HNF4G: variants seen among roughly 807,000 people sequenced by gnomAD.
HNF4G encodes the protein hepatocyte nuclear factor 4 gamma, also known as hepatocyte nuclear factor 4-gamma.
Under a neutral mutation model 50.9 loss-of-function variants are expected in HNF4G, and 21 were observed. The ratio of observed to expected loss-of-function variants is 0.41; its 90% CI spans 0.29 to 0.59. The LOEUF is 0.59. HNF4G is among the 20% of genes least tolerant of loss of function. The probability of loss-of-function intolerance (pLI) is 0.26; values close to 1 mark genes in which losing one functional copy is unlikely to be tolerated. For missense variants in HNF4G, 527 were observed against 559.4 expected (o/e 0.94, Z 0.58); for synonymous variants, 198 against 185.6 (o/e 1.07, Z -0.54).
intron 1 of HNF4G, among the ~76,000 whole-genome samples, chr8:75,472,576 A>C (rs1812140161): frequency 6.6e-6 from 1 of 152,252 alleles, no homozygotes; most frequent in South Asian, 2.1e-4. Flanking sequence ...GTAAAGATAC[A>C]GAGTGCAAAT....
intron 1 of HNF4G, among the ~76,000 whole-genome samples, chr8:75,408,337 C>T (rs1051835133): frequency 3.9e-5 from 6 of 151,988 alleles, no homozygotes; most frequent in Non-Finnish European, 8.8e-5. Context: ...ATGTGATTCC[C>T]AGGTCTCTGG....
chr8:75,515,967 T>C (rs537401237), intron 2 of HNF4G, among the ~76,000 whole-genome samples: 2 of 152,296 alleles, frequency 1.3e-5, no homozygotes, highest in African/African-American at 4.8e-5. Context: ...GTTTCTCATC[T>C]TGGTCAGGCT....
intron 4 of HNF4G, among the ~76,000 whole-genome samples, 196 bp downstream of exon 4, chr8:75,551,690 G>A (rs979915450): frequency 6.6e-6 from 1 of 152,132 alleles, no homozygotes; most frequent in African/African-American, 2.4e-5. Context: ...AACAAGACTA[G>A]TTTTAAATGG....
intron 1 of HNF4G, among the ~76,000 whole-genome samples, chr8:75,435,632 C>T (rs1234429006): frequency 6.6e-6 from 1 of 152,144 alleles, no homozygotes; most frequent in East Asian, 1.9e-4. Flanking sequence ...CTCACTCTGT[C>T]ACCCAGGCTG....
chr8:75,550,136 GA>G (rs1057015895), intron 3 of HNF4G, among the ~76,000 whole-genome samples: 1 of 151,862 alleles, frequency 6.6e-6, no homozygotes, highest in South Asian at 2.1e-4. Flanking sequence ...CATACTTGCA[GA>G]AAAAAAATGA....
chr8:75,420,797 A>T (rs1303825357), intron 1 of HNF4G, among the ~76,000 whole-genome samples: 1 of 152,238 alleles, frequency 6.6e-6, no homozygotes. Flanking sequence ...CCAGGCAGCA[A>T]GAGGAGAAAG....
chr8:75,519,440 T>G (rs1805978932), intron 2 of HNF4G, among the ~76,000 whole-genome samples: 1 of 152,142 alleles, frequency 6.6e-6, no homozygotes, highest in South Asian at 2.1e-4. Flanking sequence ...CCAGTACCAA[T>G]TTACTGTATT....
intron 1 of HNF4G, among the ~76,000 whole-genome samples, chr8:75,435,520 G>A (rs1165305159): frequency 6.6e-6 from 1 of 152,094 alleles, no homozygotes; most frequent in African/African-American, 2.4e-5. Context: ...ATTCAACATT[G>A]TACTACAGAC....
Position 75,543,869 on chromosome 8 carries a change from T to G in HNF4G, c.177T>G (p.Cys59Trp). The G allele has an allele frequency of 6.2e-7, 1 of 1,613,788 alleles. No homozygotes were observed. The highest frequency in any genetic ancestry group is 8.5e-7 in the Non-Finnish European group (1 of 1,179,764). Residue 59 changes from cysteine to tryptophan, a missense_variant, in exon 2 of 10, where the codon TGT (cysteine) becomes TGG (tryptophan). Cys to Trp is a radical substitution (Grantham distance 215). This residue lies in a region of HNF4G where 84 missense variants were observed against 87.1 expected (regional missense o/e 0.96). Coordinates refer to ENST00000396423, the MANE Select transcript of HNF4G (RefSeq NM_004133.5). ...NTTDNGVNCL[C>W]AICGDRATGK... is the part of the protein sequence containing the mutation. ...CAGACAACGGTGTCAACTGTCTGTG[T>G]GCTATCTGTGGGGACAGAGCAACAG...
intron 1 of HNF4G, among the ~76,000 whole-genome samples, chr8:75,458,369 C>CTTTTTTTTTT (rs61411885): frequency 8.5e-6 from 1 of 117,110 alleles, no homozygotes; most frequent in East Asian, 2.6e-4. Flanking sequence ...AATGGTCTAA[C>CTTTTTTTTTT]TTTTTTTTTT....
chr8:75,502,010 G>A (rs1387842321), intron 2 of HNF4G, among the ~76,000 whole-genome samples: 2 of 151,864 alleles, frequency 1.3e-5, no homozygotes, highest in South Asian at 2.1e-4. Flanking sequence ...GCACCACCAC[G>A]CCCAGCTAAT....
intron 5 of HNF4G, among the ~76,000 whole-genome samples, chr8:75,554,531 C>T (rs555726016): frequency 2.6e-5 from 4 of 152,064 alleles, no homozygotes; most frequent in African/African-American, 9.6e-5. Context: ...CTCAGGAGCT[C>T]GGTGACAGGT....
At chr8:75,483,478 C>T (rs973184524) in intron 1 of HNF4G, among the ~76,000 whole-genome samples, 1 of 152,144 alleles carries the variant, frequency 6.6e-6, no homozygotes, top group Non-Finnish European at 1.5e-5. Context: ...CTCTGGTGCT[C>T]GGCCCCTCCC....
chr8:75,496,350 T>C (rs1320388435), intron 2 of HNF4G, among the ~76,000 whole-genome samples: 1 of 152,068 alleles, frequency 6.6e-6, no homozygotes, highest in Non-Finnish European at 1.5e-5. Context: ...GCTTCCTGAA[T>C]ATATCTTAAT....
chr8:75,484,519 G>T (rs1307342502), intron 1 of HNF4G, among the ~76,000 whole-genome samples: 2 of 152,218 alleles, frequency 1.3e-5, no homozygotes, highest in Non-Finnish European at 2.9e-5. Flanking sequence ...TCCAGCTTAA[G>T]TGTTTCTTTC....
chr8:75,454,483 A>G (rs970227927), intron 1 of HNF4G, among the ~76,000 whole-genome samples: 8 of 152,220 alleles, frequency 5.3e-5, no homozygotes, highest in Non-Finnish European at 1.5e-5. Context: ...GTAAGCACAC[A>G]GTAGTCCACT....
chr8:75,416,676 G>T (rs117539487), intron 1 of HNF4G, among the ~76,000 whole-genome samples: 2 of 152,172 alleles, frequency 1.3e-5, no homozygotes, highest in Non-Finnish European at 2.9e-5. Flanking sequence ...TAAGAAAACT[G>T]CTGAAGTATT....
rs1811656567 is a variant in HNF4G at position 75,454,062 on chromosome 8, CCTCT to C, written c.-143-36024_-143-36021del. ...CTCTCTCTCTCTCTCTCCCTCCCTC[CCTCT>C]CTTCCTTTCTCCCTCCCTCCCTCCC... On this transcript the variant is annotated intron_variant, in intron 1 of 10. Coordinates refer to the HNF4G transcript ENST00000354370. Among the ~76,000 whole-genome samples, 3 of 143,330 alleles carry C rather than the reference CCTCT, an allele frequency of 2.1e-5. No individual in the cohort carries two copies. In the Middle Eastern group the frequency reaches 0.01, roughly 498 times the overall value. 94.0% of individuals were successfully genotyped at this position (143,330 alleles called of 152,430 possible).
At chr8:75,536,291 T>C (rs1806462387), upstream of HNF4G, among the ~76,000 whole-genome samples, 1 of 151,998 alleles carries the variant, frequency 6.6e-6, no homozygotes, top group Non-Finnish European at 1.5e-5. Context: ...CTGTTTTATG[T>C]ATTGCTATGT....
Sources: gnomAD v4.1 joint callset for allele counts (sites outside exome capture counted in the v4.1 genomes callset) on GRCh38, gnomAD v4.1.1 for gene constraint, gnomAD v4.1.1 regional missense constraint, MANE v1.5 for transcripts, NCBI Gene and HGNC (gene_info 2026-07-23, HGNC 2026-07-21) for gene names.